Variants in MTHFD1L observed in about 807,000 individuals in gnomAD.
MTHFD1L encodes monofunctional C1-tetrahydrofolate synthase, mitochondrial.
Under a neutral mutation model 119.5 loss-of-function variants are expected in MTHFD1L, and 81 were observed. The ratio of observed to expected loss-of-function variants is 0.68; its 90% CI spans 0.57 to 0.82. The LOEUF (loss-of-function observed/expected upper bound fraction) is 0.82, where lower values mean the gene tolerates loss of function less well. Ranked by LOEUF, MTHFD1L falls within the 40% of genes least tolerant of loss-of-function variation. MTHFD1L has a pLI of 0.00. For synonymous variants in MTHFD1L, 430 were observed against 475.2 expected, an observed-to-expected ratio of 0.90 and a Z score of 1.24; for missense variants, 1,125 against 1,253.4, an observed-to-expected ratio of 0.90 and a Z score of 1.55.
chr6:150,913,261 C>T (rs963536380), intron 8 of MTHFD1L, among the ~76,000 whole-genome samples: 1 of 152,008 alleles, frequency 6.6e-6, no homozygotes, highest in African/African-American at 2.4e-5. Flanking sequence ...CCCGGGTTCA[C>T]GCCATTCTCC....
intron 9 of MTHFD1L, among the ~76,000 whole-genome samples, chr6:150,920,702 G>A (rs1003457755): frequency 9.9e-5 from 15 of 151,916 alleles, no homozygotes; most frequent in South Asian, 2.1e-4. Context: ...TTTCTAAATT[G>A]GATGACGAAC....
chr6:151,051,857 C>T (rs1050367837), intron 26 of MTHFD1L, among the ~76,000 whole-genome samples: 8 of 152,228 alleles, frequency 5.3e-5, no homozygotes, highest in Admixed American at 3.3e-4. Context: ...GCATTTGAGA[C>T]ACTGCAGGCC....
intron 24 of MTHFD1L, among the ~76,000 whole-genome samples, chr6:151,030,918 C>T (rs1353936699): frequency 6.6e-6 from 1 of 152,222 alleles, no homozygotes; most frequent in African/African-American, 2.4e-5. Flanking sequence ...ATGCAGGGCA[C>T]GCCTGTAATC....
chr6:151,008,279 T>A lies in MTHFD1L; in HGVS notation c.2126-1540T>A, dbSNP rs563059263. Among the ~76,000 whole-genome samples the A allele has an allele frequency of 2.0e-5, 3 of 152,336 alleles. No homozygotes were observed. In the South Asian group the frequency reaches 6.2e-4, roughly 32 times the overall value. ...GCAAGGAAACTGATCATGTTAAATG[T>A]TTCTGATATCTTAGTTAATTTTTCT... is the stretch of plus-strand genomic sequence containing the variant. On this transcript the variant is annotated intron_variant, in intron 20 of 27. Transcript: ENST00000367321.
intron 7 of MTHFD1L, among the ~76,000 whole-genome samples, chr6:150,903,098 C>A (rs1201004166): frequency 1.3e-5 from 2 of 149,942 alleles, no homozygotes; most frequent in African/African-American, 4.9e-5. Flanking sequence ...TAGAACATTT[C>A]TTTCTCCCTA....
In MTHFD1L at chr6:150,965,032, C is replaced by T; in HGVS notation, c.2008C>T (p.Leu670=). 1 of 1,613,824 alleles carries T rather than the reference C, an allele frequency of 6.2e-7. No homozygotes were observed. Among genetic ancestry groups the T allele is most frequent in the South Asian group, 1.1e-5 (1 of 91,062 alleles). ...AATAAAACCAAACCTGATGCAGACC[C>T]TGGAAGTAAGTGGTTTTCTTCTTAT... ...DAIKPNLMQT[L]EGTPVFVHAG... The change falls in exon 19 of 28, where the codon CTG becomes TTG. Residue 670 remains leucine (L), a synonymous_variant. Transcript: ENST00000367321.
chr6:151,033,755 A>G (rs181918505), intron 24 of MTHFD1L, among the ~76,000 whole-genome samples: 5 of 152,302 alleles, frequency 3.3e-5, no homozygotes, highest in Admixed American at 2.6e-4. Flanking sequence ...TAAAATCTCA[A>G]TCCATTACTG....
intron 26 of MTHFD1L, among the ~76,000 whole-genome samples, chr6:151,052,646 G>A (rs139324962): frequency 1.5e-3 from 233 of 152,334 alleles, no homozygotes; most frequent in African/African-American, 5.2e-3. Flanking sequence ...AGTAGGGTAA[G>A]CCATAAATTA....
At chr6:150,982,849 A>G (rs1777734229) in intron 20 of MTHFD1L, among the ~76,000 whole-genome samples, 1 of 151,936 alleles carries the variant, frequency 6.6e-6, no homozygotes, top group Non-Finnish European at 1.5e-5. Context: ...ACAGGTGCAC[A>G]CCATCACACG....
chr6:151,081,884 T>C (rs1793223246), intron 26 of MTHFD1L, among the ~76,000 whole-genome samples: 1 of 151,996 alleles, frequency 6.6e-6, no homozygotes, highest in Admixed American at 6.6e-5. Context: ...ATCGGCTGAG[T>C]GAAAGCACTG....
At chr6:150,874,454 C>G (rs560618640) in intron 1 of MTHFD1L, among the ~76,000 whole-genome samples, 3 of 152,334 alleles carry the variant, frequency 2.0e-5, no homozygotes, top group African/African-American at 7.2e-5. Context: ...TCTCTGAAAA[C>G]TGGGGAAAGC....
intron 20 of MTHFD1L, among the ~76,000 whole-genome samples, chr6:151,006,546 C>T (rs889068528): frequency 2.0e-5 from 3 of 151,922 alleles, no homozygotes; most frequent in South Asian, 2.1e-4. Flanking sequence ...ACTACACGGG[C>T]GCATTGAAGG....
chr6:150,937,090 A>C (rs941556646), intron 12 of MTHFD1L, 150 bp downstream of exon 12: 3 of 987,818 alleles, frequency 3.0e-6, no homozygotes, highest in Non-Finnish European at 2.8e-6. Flanking sequence ...TGGTCGCCCC[A>C]TGTTGGTTCC....
At chr6:151,095,679 A>G (rs1235798658) in intron 27 of MTHFD1L, among the ~76,000 whole-genome samples, 1 of 152,228 alleles carries the variant, frequency 6.6e-6, no homozygotes, top group Admixed American at 6.5e-5. Flanking sequence ...TGTATCGGGC[A>G]TTGTGCTAAG....
chr6:151,039,867 A>G lies in MTHFD1L; in HGVS notation c.2847+2750A>G, dbSNP rs1197650316. Among the ~76,000 whole-genome samples, 3 of 152,148 alleles carry G rather than the reference A, an allele frequency of 2.0e-5. No individual in the cohort carries two copies. The highest frequency in any genetic ancestry group is 2.0e-4 in the Admixed American group (3 of 15,268). ...GAGGCAGAAGTTGCAGTAAGCCAAGATTGCGCCATTGCACTTCAGCCTGGG... is the reference window on the plus strand; with the variant it reads ...GAGGCAGAAGTTGCAGTAAGCCAAGGTTGCGCCATTGCACTTCAGCCTGGG... On this transcript the variant is annotated intron_variant, in intron 26 of 27. Transcript: ENST00000367321. This position sits in a 1 kb window ranked among gnomAD's most constrained non-coding sequence, Gnocchi z 4.4.
rs146312459 is a variant in MTHFD1L at position 151,046,761 on chromosome 6, C to T, written c.2847+9644C>T. ...AGGCGTATAATCAGAAGCAGCTAAG[C>T]AATATATGCAAGGGAAATAAAATGA... On this transcript the variant is annotated intron_variant, in intron 26 of 27. Coordinates refer to ENST00000367321, the MANE Select transcript of MTHFD1L (RefSeq NM_015440.5). 1.0e-3 allele frequency among the ~76,000 whole-genome samples: 157 copies of T among 152,024 alleles called. 1 individual carries two copies. The highest frequency in any genetic ancestry group is 3.5e-3 in the African/African-American group (147 of 41,462).
chr6:151,045,334 TC>T (rs1787830415), intron 26 of MTHFD1L, among the ~76,000 whole-genome samples: 1 of 151,774 alleles, frequency 6.6e-6, no homozygotes, highest in Non-Finnish European at 1.5e-5. Context: ...AGAACGCCAC[TC>T]CCCCCAGCAG....
chr6:150,909,797 A>C (rs1786545798), intron 8 of MTHFD1L, among the ~76,000 whole-genome samples: 1 of 152,172 alleles, frequency 6.6e-6, no homozygotes, highest in South Asian at 2.1e-4. Flanking sequence ...TTAGTGTGGA[A>C]GAGGGGAAGA....
intron 1 of MTHFD1L, chr6:150,866,322 C>G: frequency 1.4e-6 from 2 of 1,457,158 alleles, no homozygotes; most frequent in African/African-American, 1.5e-5. Flanking sequence ...ATGGACCGCA[C>G]GCCCGGCTCC....
Sources: gnomAD v4.1 joint callset for allele counts (sites outside exome capture counted in the v4.1 genomes callset) on GRCh38, gnomAD v4.1.1 for gene constraint, Gnocchi (gnomAD v3.1) non-coding constraint, MANE v1.5 for transcripts, NCBI Gene and HGNC (gene_info 2026-07-23, HGNC 2026-07-21) for gene names.